The following B4GALT6 variants were observed in gnomAD, a reference collection of about 807,000 sequenced individuals.
B4GALT6 encodes the protein beta-1,4-galactosyltransferase 6, also known as UDP-Gal:beta-GlcNAc beta-1,4-galactosyltransferase 6.
Under a neutral mutation model 46.3 loss-of-function variants are expected in B4GALT6, and 14 were observed. The observed-to-expected ratio is 0.30, with a 90% confidence interval of 0.20 to 0.47. The LOEUF is 0.47. Ranked by LOEUF, B4GALT6 falls within the 20% of genes least tolerant of loss-of-function variation. The pLI, the probability that B4GALT6 is intolerant of heterozygous loss-of-function variation, is 0.99. For missense variants in B4GALT6, 386 were observed against 480.1 expected (o/e 0.80, Z 1.83); for synonymous variants, 168 against 162.0 (o/e 1.04, Z -0.28).
rs553811647 is a variant in B4GALT6, at chr18:31,658,738, T to C, written c.233-649A>G. On this transcript the variant is annotated intron_variant, in intron 2 of 8. Transcript: ENST00000306851. ...AGTTCAAATCCTTGCTCCAACACACTGTAGCTGTGTGATACAGGGCAGGAC... is the reference window on the plus strand; with the variant it reads ...AGTTCAAATCCTTGCTCCAACACACCGTAGCTGTGTGATACAGGGCAGGAC... Among the ~76,000 whole-genome samples the C allele has an allele frequency of 5.3e-5, 8 of 152,288 alleles. No individual in the cohort carries two copies. The South Asian group carries it at 1.7e-3, about 32-fold the overall frequency.
chr18:31,629,447 A>ATTTTTTTTTTTTTTTTTTTTT lies in B4GALT6; in HGVS notation c.776+1491_776+1511dup, dbSNP rs869030382. ...ATTCTTAGTTTATATGCCCTTTATG[A>ATTTTTTTTTTTTTTTTTTTTT]TTTTTTTTTTTTTTTTTTTTTTTTT... On this transcript the variant is annotated intron_variant, in intron 6 of 8. Transcript: ENST00000306851. Among the ~76,000 whole-genome samples the ATTTTTTTTTTTTTTTTTTTTT allele has an allele frequency of 4.0e-4, 13 of 32,882 alleles. 1 individual carries two copies. Among genetic ancestry groups the ATTTTTTTTTTTTTTTTTTTTT allele is most frequent in the East Asian group, 1.7e-3 (1 of 594 alleles). 21.6% of individuals were successfully genotyped at this position (32,882 alleles called of 152,430 possible).
chr18:31,684,845 G>C, upstream of B4GALT6: 1 of 858,284 alleles, frequency 1.2e-6, no homozygotes, highest in Non-Finnish European at 1.4e-6. Context: ...ACTGCAGCAC[G>C]CCCGGCTCCG....
At position 31,628,804 on chromosome 18, in the gene B4GALT6, C is replaced by T. The variant is rs150333987; in HGVS notation, c.777-1683G>A. Among the ~76,000 whole-genome samples the T allele has an allele frequency of 2.6e-5, 4 of 152,332 alleles. No homozygotes were observed. The East Asian group carries it at 7.7e-4, about 29-fold the overall frequency. On this transcript the variant is annotated intron_variant, in intron 6 of 8. Coordinates refer to ENST00000306851, the MANE Select transcript of B4GALT6 (RefSeq NM_004775.5). ...CAAACGTCCAAGATGCCTAACCAATCCAGGGACTAGTCTAGATGGATATGA... is the reference window on the plus strand; with the variant it reads ...CAAACGTCCAAGATGCCTAACCAATTCAGGGACTAGTCTAGATGGATATGA...
chr18:31,638,115 T>C (rs2073883604), intron 5 of B4GALT6, among the ~76,000 whole-genome samples: 6 of 152,338 alleles, frequency 3.9e-5, no homozygotes, highest in Admixed American at 2.6e-4. Context: ...CATTAAAATA[T>C]AACGAGGCTG....
At chr18:31,711,906 C>T in the B4GALT6 span, among the ~76,000 whole-genome samples, 12 of 152,234 alleles carry the variant, frequency 7.9e-5, no homozygotes, top group South Asian at 1.2e-3. Context: ...ACCACAAATT[C>T]ACCAGTCATT....
intron 1 of B4GALT6, among the ~76,000 whole-genome samples, chr18:31,668,880 G>A (rs970787088): frequency 2.6e-5 from 4 of 151,364 alleles, no homozygotes; most frequent in East Asian, 1.9e-4. Context: ...GCGTGGTGGC[G>A]CACGCCTGTA....
chr18:31,665,858 C>T (rs1317800033), intron 2 of B4GALT6, among the ~76,000 whole-genome samples: 1 of 152,156 alleles, frequency 6.6e-6, no homozygotes, highest in Non-Finnish European at 1.5e-5. Flanking sequence ...TAATTAAAAA[C>T]AACTATTTTC....
intron 2 of B4GALT6, among the ~76,000 whole-genome samples, chr18:31,660,947 T>C (rs929716960): frequency 6.6e-6 from 1 of 152,154 alleles, no homozygotes; most frequent in African/African-American, 2.4e-5. Flanking sequence ...AACAGACTTC[T>C]CAAAAGCAGC....
chr18:31,673,276 AAAAC>A (rs775672117), intron 1 of B4GALT6, among the ~76,000 whole-genome samples: 2 of 152,266 alleles, frequency 1.3e-5, no homozygotes, highest in South Asian at 4.1e-4. Flanking sequence ...AGTTTAAAAA[AAAAC>A]AAAGGAGAGT....
upstream of B4GALT6, among the ~76,000 whole-genome samples, chr18:31,687,197 T>C (rs1474125776): frequency 1.3e-5 from 2 of 152,238 alleles, no homozygotes; most frequent in Non-Finnish European, 2.9e-5. Flanking sequence ...GCCTAGTCGG[T>C]GCAGCCATTG....
intron 2 of B4GALT6, 45 bp from the exon 3 acceptor site, chr18:31,658,134 T>G: frequency 3.4e-4 from 425 of 1,250,724 alleles, no homozygotes; most frequent in Non-Finnish European, 4.4e-4. Context: ...AAAAGGCCTT[T>G]TGCTTTCTCC....
Position 31,634,626 on chromosome 18 carries a change from T to C in B4GALT6, c.589-3480A>G, listed in dbSNP as rs2073834977. ...TTTCAAAAGTTTTCTTCTTTCACTCTCATTTTAGGAGTTTGGAAAGAAGCA... is the reference window on the plus strand; with the variant it reads ...TTTCAAAAGTTTTCTTCTTTCACTCCCATTTTAGGAGTTTGGAAAGAAGCA... On this transcript the variant is annotated intron_variant, in intron 5 of 8. Coordinates refer to ENST00000306851, the MANE Select transcript of B4GALT6 (RefSeq NM_004775.5). Among the ~76,000 whole-genome samples, 8 of 152,336 alleles carry C rather than the reference T, an allele frequency of 5.3e-5. No homozygotes were observed. In the South Asian group the frequency reaches 1.7e-3, roughly 32 times the overall value.
chr18:31,720,837 T>C, the B4GALT6 span, among the ~76,000 whole-genome samples: 3 of 152,178 alleles, frequency 2.0e-5, 1 homozygote, highest in Admixed American at 2.0e-4. Context: ...TATTTGGGTG[T>C]GCACAGAAGA....
At chr18:31,695,619 G>A in the B4GALT6 span, among the ~76,000 whole-genome samples, 2 of 152,232 alleles carry the variant, frequency 1.3e-5, no homozygotes, top group Admixed American at 6.5e-5. Context: ...TGCAATGAGA[G>A]GCAAAACCTT....
chr18:31,627,208 C>T (rs1017862488), intron 6 of B4GALT6, 87 bp from the exon 7 acceptor site: 4 of 1,104,156 alleles, frequency 3.6e-6, no homozygotes, highest in East Asian at 5.1e-5. Context: ...ATGTGCTTTG[C>T]AAAATATGCC....
chr18:31,628,625 T>C (rs191579661), intron 6 of B4GALT6, among the ~76,000 whole-genome samples: 3 of 152,330 alleles, frequency 2.0e-5, no homozygotes, highest in Admixed American at 2.0e-4. Context: ...ACACTACACC[T>C]GAGAGTCTGA....
At chr18:31,721,780 C>T in the B4GALT6 span, among the ~76,000 whole-genome samples, 1 of 152,186 alleles carries the variant, frequency 6.6e-6, no homozygotes, top group African/African-American at 2.4e-5. Context: ...TAACTCTTGC[C>T]TGAGTTTCTA....
chr18:31,671,630 A>G (rs771580849), intron 1 of B4GALT6, among the ~76,000 whole-genome samples: 1 of 152,134 alleles, frequency 6.6e-6, no homozygotes, highest in Non-Finnish European at 1.5e-5. Context: ...TAGATTCTGG[A>G]TATTAGCCCT....
intron 1 of B4GALT6, among the ~76,000 whole-genome samples, chr18:31,683,459 A>C (rs1353629429): frequency 1.3e-5 from 2 of 152,234 alleles, no homozygotes; most frequent in Non-Finnish European, 2.9e-5. Context: ...GACATATTTT[A>C]ATATGCATGT....
Sources: allele counts gnomAD v4.1 joint callset (sites outside exome capture counted in the v4.1 genomes callset), GRCh38; gene constraint gnomAD v4.1.1; transcripts MANE v1.5; gene names NCBI Gene and HGNC (gene_info 2026-07-23, HGNC 2026-07-21).